CTNNA2: variants seen among roughly 807,000 people sequenced by gnomAD.
CTNNA2 encodes catenin alpha 2.
In CTNNA2, 42 loss-of-function variants were observed where a neutral mutation model predicts 101.0. The observed-to-expected ratio is 0.42, with a 90% CI of 0.32 to 0.54. The LOEUF (loss-of-function observed/expected upper bound fraction) is 0.54, where lower values mean the gene tolerates loss of function less well. Among genes scored for constraint, CTNNA2 ranks in the 20% least tolerant of loss-of-function variants. The pLI, the probability that CTNNA2 is intolerant of heterozygous loss-of-function variation, is 0.14. For missense variants in CTNNA2, 871 were observed against 1,223.1 expected, an observed-to-expected ratio of 0.71 and a Z score of 4.29; for synonymous variants, 450 against 456.4, an observed-to-expected ratio of 0.99 and a Z score of 0.18.
chr2:79,529,133 A>G (rs1263416151), intron 1 of CTNNA2, among the ~76,000 whole-genome samples: 1 of 152,202 alleles, frequency 6.6e-6, no homozygotes, highest in Non-Finnish European at 1.5e-5. Context: ...GCATGAAGGT[A>G]GGAATGTCAG....
intron 2 of CTNNA2, among the ~76,000 whole-genome samples, chr2:79,228,615 C>A (rs1205847050): frequency 6.6e-6 from 1 of 151,736 alleles, no homozygotes; most frequent in Non-Finnish European, 1.5e-5. Context: ...GTTTTTGCTT[C>A]GTGATTTAAG....
At chr2:80,454,351 C>CA (rs985528592) in intron 9 of CTNNA2, among the ~76,000 whole-genome samples, 3 of 152,148 alleles carry the variant, frequency 2.0e-5, no homozygotes, top group Admixed American at 6.5e-5. Context: ...CAGTACGATG[C>CA]AGAGTTCACC....
chr2:80,281,613 T>G (rs1343329322), intron 7 of CTNNA2, among the ~76,000 whole-genome samples: 1 of 152,070 alleles, frequency 6.6e-6, no homozygotes, highest in Non-Finnish European at 1.5e-5. Flanking sequence ...TTTTTTCCCT[T>G]CATTATCTTC....
intron 3 of CTNNA2, among the ~76,000 whole-genome samples, chr2:79,815,779 T>G (rs1677443283): frequency 6.6e-6 from 1 of 152,040 alleles, no homozygotes; most frequent in Non-Finnish European, 1.5e-5. Context: ...AGATTTTTTT[T>G]TTCTAATTCT....
At chr2:79,280,896 C>T (rs1192967069) in intron 2 of CTNNA2, among the ~76,000 whole-genome samples, 3 of 152,016 alleles carry the variant, frequency 2.0e-5, no homozygotes, top group African/African-American at 7.2e-5. Context: ...CAATGACACA[C>T]CCGTATCATA....
intron 18 of CTNNA2, among the ~76,000 whole-genome samples, chr2:80,637,531 A>G (rs1673010636): frequency 1.3e-5 from 2 of 152,092 alleles, no homozygotes; most frequent in East Asian, 3.9e-4. Context: ...TCACAGGAAC[A>G]AAAGGGGCTG....
At chr2:79,289,591 A>G (rs945854212) in intron 2 of CTNNA2, among the ~76,000 whole-genome samples, 1 of 151,920 alleles carries the variant, frequency 6.6e-6, no homozygotes, top group Non-Finnish European at 1.5e-5. Flanking sequence ...CTAAAAATAC[A>G]AAAATTAGCC....
At chr2:80,529,305 G>A (rs1234090495) in intron 9 of CTNNA2, among the ~76,000 whole-genome samples, 1 of 152,088 alleles carries the variant, frequency 6.6e-6, no homozygotes. Flanking sequence ...ATACAAAAAC[G>A]AGCCACTGGC....
chr2:80,203,244 A>G lies in CTNNA2; in HGVS notation c.1057-189967A>G, dbSNP rs115574763. On this transcript the variant is annotated intron_variant, in intron 7 of 18. Transcript: ENST00000402739. ...ATATCTTCACATTTCAACACCAACTATGCCTTCCCAACAGCCCTCCAAAGT... is the reference window on the plus strand; with the variant it reads ...ATATCTTCACATTTCAACACCAACTGTGCCTTCCCAACAGCCCTCCAAAGT... Among the ~76,000 whole-genome samples, 956 of 152,216 alleles carry G rather than the reference A, an allele frequency of 6.3e-3. 12 individuals are homozygous for G. The highest frequency in any genetic ancestry group is 0.022 in the African/African-American group (893 of 41,524).
chr2:79,328,015 G>A (rs371932700), intron 3 of CTNNA2, among the ~76,000 whole-genome samples: 1 of 152,080 alleles, frequency 6.6e-6, no homozygotes, highest in African/African-American at 2.4e-5. Context: ...CCACTTCTTG[G>A]GAGTCCAGGC....
intron 17 of CTNNA2, among the ~76,000 whole-genome samples, chr2:80,617,028 T>C (rs1698909923): frequency 6.6e-6 from 1 of 151,746 alleles, no homozygotes; most frequent in African/African-American, 2.4e-5. Context: ...TTCAATATTT[T>C]AAAAGTGTTT....
chr2:79,615,605 A>T (rs1678566637), intron 1 of CTNNA2, among the ~76,000 whole-genome samples: 1 of 152,196 alleles, frequency 6.6e-6, no homozygotes, highest in Admixed American at 6.5e-5. Context: ...AATGAAAACT[A>T]CATCTTTGCA....
chr2:80,359,923 CA>C (rs2149314808), intron 7 of CTNNA2, among the ~76,000 whole-genome samples: 2 of 152,194 alleles, frequency 1.3e-5, no homozygotes, highest in East Asian at 3.9e-4. Context: ...ACCAGAAACA[CA>C]AGCTATTGTG....
At chr2:80,141,056 T>A (rs1010393719) in intron 7 of CTNNA2, among the ~76,000 whole-genome samples, 3 of 152,114 alleles carry the variant, frequency 2.0e-5, no homozygotes, top group South Asian at 4.1e-4. Flanking sequence ...TTTATTTATT[T>A]ATTTTACTCA....
At chr2:80,230,252 TTTTC>T (rs1709118416) in intron 7 of CTNNA2, among the ~76,000 whole-genome samples, 1 of 129,004 alleles carries the variant, frequency 7.8e-6, no homozygotes, top group Non-Finnish European at 1.6e-5. Context: ...CTCTCTTTTT[TTTTC>T]TTTGTTTTTT....
chr2:80,321,247 A>C (rs894216936), intron 7 of CTNNA2, among the ~76,000 whole-genome samples: 1 of 152,032 alleles, frequency 6.6e-6, no homozygotes, highest in African/African-American at 2.4e-5. Flanking sequence ...GCCTCCTGGA[A>C]AAAAAAAGGA....
At chr2:79,442,128 A>G (rs907252572) in intron 4 of CTNNA2, among the ~76,000 whole-genome samples, 4 of 152,148 alleles carry the variant, frequency 2.6e-5, no homozygotes, top group Non-Finnish European at 4.4e-5. Context: ...CCTGACATTT[A>G]TATATGCTCC....
intron 7 of CTNNA2, among the ~76,000 whole-genome samples, chr2:80,245,006 T>C (rs1671215063): frequency 6.6e-6 from 1 of 151,826 alleles, no homozygotes; most frequent in African/African-American, 2.4e-5. Flanking sequence ...GTTCAGACAC[T>C]AAAACAAACA....
At position 79,691,510 on chromosome 2, in the gene CTNNA2, G is replaced by GA. The variant is rs370435062; in HGVS notation, c.102+39862dup. ...TTCAGACTATATTGAAAAACAATTAGAAAAAAAAAACTACTTTAAAATTCA... is the reference window on the plus strand; with the variant it reads ...TTCAGACTATATTGAAAAACAATTAGAAAAAAAAAAACTACTTTAAAATTCA... On this transcript the variant is annotated intron_variant, in intron 2 of 18. Coordinates refer to ENST00000402739, the MANE Select transcript of CTNNA2 (RefSeq NM_001282597.3). Among the ~76,000 whole-genome samples the GA allele has an allele frequency of 7.6e-3, 1,101 of 145,456 alleles. 15 individuals are homozygous for GA. Among genetic ancestry groups the GA allele is most frequent in the African/African-American group, 0.025 (1,011 of 40,044 alleles).
Sources: gnomAD v4.1 joint callset for allele counts (sites outside exome capture counted in the v4.1 genomes callset) on GRCh38, gnomAD v4.1.1 for gene constraint, MANE v1.5 for transcripts, NCBI Gene and HGNC (gene_info 2026-07-23, HGNC 2026-07-21) for gene names.